Variants in METTL25 observed in about 807,000 individuals in gnomAD.
The protein encoded by METTL25 is probable methyltransferase-like protein 25.
In METTL25, 64 loss-of-function variants were observed where a neutral mutation model predicts 71.6. That is an observed-to-expected ratio of 0.89 (90% CI 0.73 to 1.10). The LOEUF (loss-of-function observed/expected upper bound fraction) is 1.10, where lower values mean the gene tolerates loss of function less well. Among genes scored for constraint, METTL25 ranks in the 50% least tolerant of loss-of-function variants. The pLI, the probability that METTL25 is intolerant of heterozygous loss-of-function variation, is 0.00. For missense variants in METTL25, 807 were observed against 707.0 expected, an observed-to-expected ratio of 1.14 and a Z score of -1.60; for synonymous variants, 287 against 250.3, an observed-to-expected ratio of 1.15 and a Z score of -1.38.
chr12:82,372,697 C>G (rs990187330), intron 1 of METTL25, among the ~76,000 whole-genome samples: 1 of 152,120 alleles, frequency 6.6e-6, no homozygotes, highest in Non-Finnish European at 1.5e-5. Flanking sequence ...AAATTGGTCC[C>G]AGTGGCTTAG....
chr12:82,463,273 A>G (rs1892011246), intron 9 of METTL25, among the ~76,000 whole-genome samples: 1 of 151,838 alleles, frequency 6.6e-6, no homozygotes, highest in Non-Finnish European at 1.5e-5. Flanking sequence ...ACTATATTTT[A>G]CTTCTAGGAG....
intron 1 of METTL25, 63 bp downstream of exon 1, chr12:82,358,887 G>A (rs1453858333): frequency 1.3e-6 from 2 of 1,536,944 alleles, no homozygotes; most frequent in Admixed American, 3.9e-5. Flanking sequence ...CAGACGAAGC[G>A]AGCCCCCTGG....
intron 9 of METTL25, among the ~76,000 whole-genome samples, chr12:82,461,160 A>G (rs562955205): frequency 6.6e-6 from 1 of 152,328 alleles, no homozygotes; most frequent in East Asian, 1.9e-4. Flanking sequence ...ATATGTATAT[A>G]TATACCATAT....
chr12:82,366,174 G>C (rs1882554869), intron 1 of METTL25, among the ~76,000 whole-genome samples: 1 of 152,148 alleles, frequency 6.6e-6, no homozygotes. Flanking sequence ...TAACAAATGA[G>C]TGTTACAGAT....
At position 82,429,121 on chromosome 12, in the gene METTL25, C is replaced by T. The variant is rs113324696; in HGVS notation, c.1280-1772C>T. ...AACTATAGCTACCTTGCTGTGCTAT[C>T]GAATATTAAAACTTATTTCTTCAAT... On this transcript the variant is annotated intron_variant, in intron 5 of 11. Coordinates refer to ENST00000248306, the MANE Select transcript of METTL25 (RefSeq NM_032230.3). Among the ~76,000 whole-genome samples, 267 of 151,702 alleles carry T rather than the reference C, an allele frequency of 1.8e-3. 1 individual carries two copies. Among genetic ancestry groups the T allele is most frequent in the Non-Finnish European group, 3.1e-3 (213 of 67,788 alleles).
intron 1 of METTL25, among the ~76,000 whole-genome samples, chr12:82,363,187 A>G (rs913117972): frequency 5.3e-5 from 8 of 152,324 alleles, no homozygotes; most frequent in African/African-American, 1.7e-4. Flanking sequence ...TTAACTCCAC[A>G]TGCCTGGGAG....
intron 9 of METTL25, chr12:82,474,482 T>C (rs1413163840): frequency 6.6e-6 from 1 of 152,260 alleles, no homozygotes; most frequent in Non-Finnish European, 1.5e-5. Context: ...CACTTTGCGT[T>C]GTTATTTTTT....
intron 4 of METTL25, among the ~76,000 whole-genome samples, chr12:82,400,108 G>A (rs1385494023): frequency 6.6e-6 from 1 of 151,998 alleles, no homozygotes; most frequent in African/African-American, 2.4e-5. Flanking sequence ...TGGATCACGA[G>A]GTCAGGAGAT....
intron 5 of METTL25, among the ~76,000 whole-genome samples, chr12:82,415,126 T>G (rs1416885129): frequency 6.6e-6 from 1 of 152,104 alleles, no homozygotes; most frequent in South Asian, 2.1e-4. Context: ...AGCACCTGGG[T>G]TTTGCCATTG....
chr12:82,387,623 T>C (rs896482502), intron 2 of METTL25, among the ~76,000 whole-genome samples: 1 of 151,934 alleles, frequency 6.6e-6, no homozygotes, highest in African/African-American at 2.4e-5. Context: ...GTTACAAGAA[T>C]AGTACAATAG....
chr12:82,393,683 T>G (rs1885812586), intron 3 of METTL25, among the ~76,000 whole-genome samples: 1 of 152,090 alleles, frequency 6.6e-6, no homozygotes, highest in Non-Finnish European at 1.5e-5. Flanking sequence ...AAAGTGGGCA[T>G]TCTTGTCCTG....
intron 5 of METTL25, among the ~76,000 whole-genome samples, chr12:82,405,302 A>G (rs765955820): frequency 1.3e-5 from 2 of 152,164 alleles, no homozygotes; most frequent in Non-Finnish European, 2.9e-5. Context: ...CTGCTGGTTT[A>G]GGATAGTGTC....
rs67737833 is a variant in METTL25, at chr12:82,443,462, CAAAAAAAAA to C, written c.1478+4680_1478+4688del. Among the ~76,000 whole-genome samples, 278 of 96,576 alleles carry C rather than the reference CAAAAAAAAA, an allele frequency of 2.9e-3. 2 individuals are homozygous for C. The highest frequency in any genetic ancestry group is 0.01 in the African/African-American group (268 of 26,524). The allele number at this position is 96,576 out of a possible 152,430, so 63.4% of individuals were successfully genotyped here. A position where few individuals can be genotyped will look rare whatever the true frequency, so the allele number is the denominator to read the frequency against. ...CTGAAAATACATTGTCAGAGGAGACCAAAAAAAAAAAAAAAAAGAAAAAAAAGAATGCAG... is the reference window on the plus strand; with the variant it reads ...CTGAAAATACATTGTCAGAGGAGACCAAAAAAAAGAAAAAAAAGAATGCAG... On this transcript the variant is annotated intron_variant, in intron 8 of 11. Transcript: ENST00000248306.
intron 5 of METTL25, among the ~76,000 whole-genome samples, chr12:82,419,824 G>A (rs906360524): frequency 1.3e-5 from 2 of 152,066 alleles, no homozygotes; most frequent in Non-Finnish European, 2.9e-5. Flanking sequence ...AGAATTAAAA[G>A]TAGAATTACC....
chr12:82,380,860 G>C (rs371401801), intron 1 of METTL25, among the ~76,000 whole-genome samples: 1 of 152,298 alleles, frequency 6.6e-6, no homozygotes, highest in African/African-American at 2.4e-5. Context: ...AAGACTGTCA[G>C]AGAAGTTTTC....
intron 1 of METTL25, among the ~76,000 whole-genome samples, chr12:82,366,777 CTGTA>C (rs1882623944): frequency 6.6e-6 from 1 of 152,178 alleles, no homozygotes; most frequent in African/African-American, 2.4e-5. Flanking sequence ...TTTTACTCTG[CTGTA>C]TGTAACTTTT....
intron 7 of METTL25, among the ~76,000 whole-genome samples, chr12:82,438,003 T>A (rs1454408163): frequency 6.6e-6 from 1 of 151,674 alleles, no homozygotes; most frequent in Non-Finnish European, 1.5e-5. Flanking sequence ...AAGTGCTCTT[T>A]TATAAATAGT....
chr12:82,398,424 C>T (rs373995044), intron 3 of METTL25, among the ~76,000 whole-genome samples: 5 of 151,764 alleles, frequency 3.3e-5, no homozygotes, highest in Admixed American at 1.3e-4. Flanking sequence ...TCTGATGATT[C>T]GTTGTTAATT....
chr12:82,380,146 A>T (rs1355653518), intron 1 of METTL25, among the ~76,000 whole-genome samples: 2 of 152,202 alleles, frequency 1.3e-5, no homozygotes, highest in East Asian at 3.8e-4. Flanking sequence ...ATATTAAAAT[A>T]TAGTTAATTG....
Sources: gnomAD v4.1 joint callset for allele counts (sites outside exome capture counted in the v4.1 genomes callset) on GRCh38, gnomAD v4.1.1 for gene constraint, MANE v1.5 for transcripts, NCBI Gene and HGNC (gene_info 2026-07-23, HGNC 2026-07-21) for gene names.